PTPRF: variants seen among roughly 807,000 people sequenced by gnomAD.
PTPRF encodes the protein receptor-type tyrosine-protein phosphatase F.
Under a neutral mutation model 201.8 loss-of-function variants are expected in PTPRF, and 59 were observed. The ratio of observed to expected loss-of-function variants is 0.29; its 90% CI spans 0.24 to 0.36. The LOEUF (loss-of-function observed/expected upper bound fraction) is 0.36. Ranked by LOEUF, PTPRF falls within the 10% of genes least tolerant of loss-of-function variation. PTPRF has a pLI of 1.00. For synonymous variants in PTPRF, 1,088 were observed against 1,089.7 expected (o/e 1.00, Z 0.03); for missense variants, 2,132 against 2,690.5 (o/e 0.79, Z 4.59).
chr1:43,538,656 G>A (rs1368336468), intron 2 of PTPRF, among the ~76,000 whole-genome samples: 3 of 152,204 alleles, frequency 2.0e-5, no homozygotes, highest in East Asian at 1.9e-4. Flanking sequence ...ATAGGCTTCC[G>A]GGTGATGTCC....
chr1:43,604,306 C>T (rs992787515), intron 16 of PTPRF, 117 bp downstream of exon 16: 13 of 1,054,154 alleles, frequency 1.2e-5, no homozygotes, highest in Non-Finnish European at 1.8e-5. Context: ...TGTGTGACCT[C>T]CAATCTCTCA....
Position 43,604,887 on chromosome 1 carries a change from C to T in PTPRF, c.3038-16C>T, listed in dbSNP as rs1226803182. 1.9e-6 allele frequency: 3 copies of T among 1,611,752 alleles called. No homozygotes were observed. Among genetic ancestry groups the T allele is most frequent in the Non-Finnish European group, 2.5e-6 (3 of 1,178,604 alleles). ...TCATATACCCAGCAGAGCTGACTCT[C>T]TCTATGCCTTTGCAGTGTTTGCCAA... On this transcript the variant is annotated splice_polypyrimidine_tract_variant and intron_variant, in intron 16 of 33. Coordinates refer to ENST00000359947, the MANE Select transcript of PTPRF (RefSeq NM_002840.5).
At chr1:43,532,190 C>G (rs1167196297) in intron 1 of PTPRF, among the ~76,000 whole-genome samples, 1 of 152,178 alleles carries the variant, frequency 6.6e-6, no homozygotes, top group African/African-American at 2.4e-5. Context: ...GGCGCCCCCC[C>G]ATTTCCCTGG....
chr1:43,594,652 A>G (rs1414003948), intron 11 of PTPRF, among the ~76,000 whole-genome samples: 1 of 152,050 alleles, frequency 6.6e-6, no homozygotes, highest in Non-Finnish European at 1.5e-5. Flanking sequence ...CAGACTTGGT[A>G]ATGGGTTATG....
intron 7 of PTPRF, among the ~76,000 whole-genome samples, chr1:43,586,904 C>A (rs1649298945): frequency 6.6e-6 from 1 of 152,174 alleles, no homozygotes; most frequent in Non-Finnish European, 1.5e-5. Context: ...GGGTCACACA[C>A]CCCATGTATG....
rs1353390724 is a variant in PTPRF, at chr1:43,553,251, C to T, written c.92-241C>T. ...CAGCTGTGTCATATGGGACAAATCC[C>T]TTAACCTCTCTGGGCCTCTAGAAAC... On this transcript the variant is annotated intron_variant, in intron 3 of 33. Transcript: ENST00000359947. This position sits in a 1 kb window ranked among gnomAD's most constrained non-coding sequence, Gnocchi z 4.1. 6.6e-6 allele frequency among the ~76,000 whole-genome samples: 1 copy of T among 152,216 alleles called. No homozygotes were observed. Among genetic ancestry groups the T allele is most frequent in the Non-Finnish European group, 1.5e-5 (1 of 68,036 alleles).
At chr1:43,523,582 A>G (rs1454316655), upstream of PTPRF, among the ~76,000 whole-genome samples, 1 of 152,202 alleles carries the variant, frequency 6.6e-6, no homozygotes, top group African/African-American at 2.4e-5. Context: ...GGTCTAAGAA[A>G]ATGAATACCG....
intron 7 of PTPRF, chr1:43,580,133 A>C (rs1647228524): frequency 6.6e-6 from 1 of 151,108 alleles, no homozygotes; most frequent in African/African-American, 2.4e-5. Context: ...GGCTCCTTGC[A>C]GTGATGATTC....
chr1:43,558,877 AGGCCTGGAAGGACT>A (rs1645586479), intron 5 of PTPRF, among the ~76,000 whole-genome samples: 2 of 152,280 alleles, frequency 1.3e-5, no homozygotes, highest in East Asian at 3.9e-4. Flanking sequence ...CGCAGATTTC[AGGCCTGGAAGGACT>A]GGCCGGGAAA....
upstream of PTPRF, among the ~76,000 whole-genome samples, chr1:43,529,312 C>G (rs192042632): frequency 2.6e-5 from 4 of 152,182 alleles, no homozygotes; most frequent in Non-Finnish European, 4.4e-5. Flanking sequence ...GGGGCGCACA[C>G]GCACTGTTTG....
chr1:43,535,852 G>A (rs979468279), intron 1 of PTPRF, among the ~76,000 whole-genome samples: 5 of 152,160 alleles, frequency 3.3e-5, no homozygotes, highest in Non-Finnish European at 5.9e-5. Flanking sequence ...GTGGCTCACT[G>A]CAGCCTCCAC....
chr1:43,611,023 T>TA (rs1274162367), intron 22 of PTPRF, among the ~76,000 whole-genome samples: 1 of 152,234 alleles, frequency 6.6e-6, no homozygotes, highest in African/African-American at 2.4e-5. Flanking sequence ...TCTGGCCTGT[T>TA]ATGGATACCA....
intron 5 of PTPRF, among the ~76,000 whole-genome samples, chr1:43,564,507 C>T (rs1036579673): frequency 6.6e-6 from 1 of 152,198 alleles, no homozygotes; most frequent in African/African-American, 2.4e-5. Flanking sequence ...TGCTTGCATG[C>T]GCCTGTTTCC....
At chr1:43,544,488 G>A (rs1439229314) in intron 2 of PTPRF, among the ~76,000 whole-genome samples, 3 of 152,224 alleles carry the variant, frequency 2.0e-5, no homozygotes, top group Non-Finnish European at 4.4e-5. Flanking sequence ...TGTGCTCAGC[G>A]TGCTCGTGGA....
chr1:43,547,143 A>G (rs748345934), intron 3 of PTPRF, among the ~76,000 whole-genome samples: 89 of 151,914 alleles, frequency 5.9e-4, no homozygotes, highest in Non-Finnish European at 7.2e-4. Flanking sequence ...GCCCTGCATT[A>G]TCAAGCTTCT....
intron 6 of PTPRF, among the ~76,000 whole-genome samples, chr1:43,576,124 T>C (rs1646912127): frequency 6.6e-6 from 1 of 152,190 alleles, no homozygotes. Flanking sequence ...GACTCATCCA[T>C]TGCAAGTCTG....
intron 5 of PTPRF, among the ~76,000 whole-genome samples, chr1:43,556,873 TC>T (rs1645411194): frequency 6.6e-6 from 1 of 152,202 alleles, no homozygotes; most frequent in African/African-American, 2.4e-5. Context: ...CGTGGCATCA[TC>T]CGGGTGATGC....
At chr1:43,574,454 T>C (rs1646791596) in intron 6 of PTPRF, among the ~76,000 whole-genome samples, 1 of 152,132 alleles carries the variant, frequency 6.6e-6, no homozygotes, top group South Asian at 2.1e-4. Flanking sequence ...AAAACAAAAA[T>C]ATTTACCAAG....
At chr1:43,616,109 G>A (rs1271600274) in intron 23 of PTPRF, among the ~76,000 whole-genome samples, 1 of 151,872 alleles carries the variant, frequency 6.6e-6, no homozygotes, top group Non-Finnish European at 1.5e-5. Context: ...GTGCTGCGGG[G>A]TCTCACGGAA....
Sources: gnomAD v4.1 joint callset for allele counts (sites outside exome capture counted in the v4.1 genomes callset) on GRCh38, gnomAD v4.1.1 for gene constraint, Gnocchi (gnomAD v3.1) non-coding constraint, MANE v1.5 for transcripts, NCBI Gene and HGNC (gene_info 2026-07-23, HGNC 2026-07-21) for gene names.